The following LSAMP variants were observed in gnomAD, a reference collection of about 807,000 sequenced individuals.
LSAMP encodes the protein limbic system-associated membrane protein.
LSAMP carries 7 observed loss-of-function variants against 38.6 expected under a neutral mutation model. That is an observed-to-expected ratio of 0.18 (90% CI 0.10 to 0.34). LSAMP has a LOEUF of 0.34. LSAMP is among the 10% of genes least tolerant of loss of function. LSAMP has a pLI of 1.00. For missense variants in LSAMP, 313 were observed against 420.0 expected (o/e 0.75, Z 2.23); for synonymous variants, 154 against 166.8 (o/e 0.92, Z 0.59).
intron 3 of LSAMP, among the ~76,000 whole-genome samples, chr3:116,011,861 C>T (rs79393584): frequency 0.013 from 2,008 of 152,244 alleles, 54 homozygotes; most frequent in African/African-American, 0.046. Context: ...TCCTCTGGCC[C>T]CTTTGCTTCT....
chr3:116,068,253 C>G (rs1057402109), intron 2 of LSAMP, among the ~76,000 whole-genome samples: 1 of 152,078 alleles, frequency 6.6e-6, no homozygotes, highest in Admixed American at 6.6e-5. Flanking sequence ...TCCCATTTCC[C>G]CCCTCTATAA....
At chr3:116,033,515 C>A (rs778785051) in intron 2 of LSAMP, among the ~76,000 whole-genome samples, 4 of 152,240 alleles carry the variant, frequency 2.6e-5, no homozygotes, top group Non-Finnish European at 2.9e-5. Context: ...ATAGAAATCT[C>A]CCCCTCGTGG....
chr3:115,810,367 G>T lies in LSAMP; in HGVS notation c.967C>A (p.Pro323Thr). 2 of 1,613,674 alleles carry T rather than the reference G, an allele frequency of 1.2e-6. No homozygotes were observed. The highest frequency in any genetic ancestry group is 1.7e-6 in the Non-Finnish European group (2 of 1,179,732). ...GINGSISLAV[P>T]LWLLAASLLC... ...AGAGATGCTGCCAGCAGCCACAGTG[G>T]TACGGCCAGACTGATGGATCCATTT... The change falls in exon 7 of 7, where the codon CCA (proline) becomes ACA (threonine). Residue 323 changes from proline (P) to threonine (T), a missense_variant. Pro to Thr is a conservative substitution (Grantham distance 38). Coordinates refer to ENST00000490035, the MANE Select transcript of LSAMP (RefSeq NM_002338.5).
At chr3:115,813,260 A>AT (rs1933898819) in intron 6 of LSAMP, among the ~76,000 whole-genome samples, 1 of 152,072 alleles carries the variant, frequency 6.6e-6, no homozygotes, top group Admixed American at 6.6e-5. Context: ...ATAGCACTGC[A>AT]TTTTTACCAT....
intron 1 of LSAMP, among the ~76,000 whole-genome samples, chr3:116,236,173 C>A (rs1448376139): frequency 6.6e-6 from 1 of 151,914 alleles, no homozygotes; most frequent in Non-Finnish European, 1.5e-5. Context: ...ATTTTATCTC[C>A]AAAATATATG....
At chr3:116,057,265 T>A (rs1941506671) in intron 2 of LSAMP, among the ~76,000 whole-genome samples, 1 of 152,208 alleles carries the variant, frequency 6.6e-6, no homozygotes, top group Non-Finnish European at 1.5e-5. Flanking sequence ...GGTATTAGAT[T>A]ATAGGTAAAA....
chr3:116,369,294 T>C (rs2048398902), intron 1 of LSAMP, among the ~76,000 whole-genome samples: 1 of 152,218 alleles, frequency 6.6e-6, no homozygotes. Context: ...GAAGGCTGAA[T>C]GTGATACACA....
chr3:116,372,403 T>G (rs1461358992), intron 1 of LSAMP, among the ~76,000 whole-genome samples: 6 of 151,870 alleles, frequency 4.0e-5, no homozygotes, highest in African/African-American at 1.4e-4. Flanking sequence ...TAACACCATA[T>G]ACAAAAATTA....
chr3:115,986,701 A>AG (rs1334338507), intron 3 of LSAMP, among the ~76,000 whole-genome samples: 2 of 151,556 alleles, frequency 1.3e-5, no homozygotes, highest in South Asian at 2.1e-4. Context: ...AAAAAAAAAG[A>AG]GGGGGGTGGG....
At chr3:115,991,743 C>A (rs1212619791) in intron 3 of LSAMP, among the ~76,000 whole-genome samples, 1 of 151,934 alleles carries the variant, frequency 6.6e-6, no homozygotes, top group Admixed American at 6.6e-5. Context: ...CAGTAGAAAC[C>A]CCAAAAAAAG....
chr3:116,154,007 A>G (rs1164655133), intron 1 of LSAMP, among the ~76,000 whole-genome samples: 5 of 152,148 alleles, frequency 3.3e-5, no homozygotes, highest in African/African-American at 1.2e-4. Flanking sequence ...TATTTCATAT[A>G]GAATAATTTG....
intron 1 of LSAMP, among the ~76,000 whole-genome samples, chr3:116,146,428 CA>C (rs1287437360): frequency 2.0e-5 from 3 of 151,862 alleles, no homozygotes; most frequent in Admixed American, 1.3e-4. Context: ...CATGGCTTAG[CA>C]GCTGCTATTA....
At chr3:116,402,441 T>G (rs1463997846) in intron 1 of LSAMP, among the ~76,000 whole-genome samples, 1 of 152,094 alleles carries the variant, frequency 6.6e-6, no homozygotes, top group Non-Finnish European at 1.5e-5. Context: ...TATCTCAATA[T>G]CTCAATCACC....
intron 1 of LSAMP, among the ~76,000 whole-genome samples, chr3:116,168,848 C>A (rs1040565295): frequency 1.3e-5 from 2 of 152,152 alleles, no homozygotes; most frequent in African/African-American, 4.8e-5. Context: ...TTTCTAAACA[C>A]TAAATCTAAC....
At chr3:116,131,101 C>T (rs1251507661) in intron 1 of LSAMP, among the ~76,000 whole-genome samples, 1 of 151,184 alleles carries the variant, frequency 6.6e-6, no homozygotes, top group African/African-American at 2.4e-5. Context: ...CGCCATTCTC[C>T]TGCCTCAGCC....
At chr3:116,338,975 C>G (rs939662199) in intron 1 of LSAMP, among the ~76,000 whole-genome samples, 2 of 151,920 alleles carry the variant, frequency 1.3e-5, no homozygotes, top group Non-Finnish European at 2.9e-5. Flanking sequence ...ATAGTTTCAG[C>G]GAAGACTTTG....
At chr3:115,811,692 T>C (rs1179028556) in intron 6 of LSAMP, among the ~76,000 whole-genome samples, 1 of 152,066 alleles carries the variant, frequency 6.6e-6, no homozygotes, top group Non-Finnish European at 1.5e-5. Context: ...CAAGGAAAAA[T>C]GCCAAATTCC....
chr3:115,996,529 TA>T (rs1027421557), intron 3 of LSAMP, among the ~76,000 whole-genome samples: 1 of 151,838 alleles, frequency 6.6e-6, no homozygotes, highest in African/African-American at 2.4e-5. Flanking sequence ...CCCCTTAAAT[TA>T]AAAAAAACAA....
At chr3:115,943,948 C>T (rs1251348748) in intron 3 of LSAMP, among the ~76,000 whole-genome samples, 2 of 152,066 alleles carry the variant, frequency 1.3e-5, no homozygotes, top group Admixed American at 6.6e-5. Context: ...GAAACAAGTC[C>T]CCAGAAGCTA....
Sources: gnomAD v4.1 joint callset for allele counts (sites outside exome capture counted in the v4.1 genomes callset) on GRCh38, gnomAD v4.1.1 for gene constraint, MANE v1.5 for transcripts, NCBI Gene and HGNC (gene_info 2026-07-23, HGNC 2026-07-21) for gene names.